CADM2: variants seen among roughly 807,000 people sequenced by gnomAD.
CADM2 encodes the protein cell adhesion molecule 2.
CADM2 carries 12 observed loss-of-function variants against 49.8 expected under a neutral mutation model. That is an observed-to-expected ratio of 0.24 (90% CI 0.15 to 0.39). The LOEUF is 0.39. CADM2 is among the 10% of genes least tolerant of loss of function. CADM2 has a pLI of 1.00. For synonymous variants in CADM2, 214 were observed against 175.4 expected, an observed-to-expected ratio of 1.22 and a Z score of -1.74; for missense variants, 378 against 492.3, an observed-to-expected ratio of 0.77 and a Z score of 2.20.
At position 86,068,127 on chromosome 3, in the gene CADM2, T is replaced by C. The variant is rs557068727; in HGVS notation, c.*1344T>C. ...ACTAATTCTTTATATTAAATTCCTG[T>C]CTATGCATTTTGTGAGGTACAAACT... On this transcript the variant is annotated 3_prime_UTR_variant, in exon 10 of 10. Transcript: ENST00000383699. The C allele has an allele frequency of 1.3e-5, 2 of 152,562 alleles. No homozygotes were observed. The highest frequency in any genetic ancestry group is 3.9e-4 in the East Asian group (2 of 5,188). 9.5% of individuals were successfully genotyped at this position (152,562 alleles called of 1,614,324 possible). A position where few individuals can be genotyped will look rare whatever the true frequency, so the allele number is the denominator to read the frequency against.
At chr3:85,344,843 T>A (rs1450507244) in intron 1 of CADM2, among the ~76,000 whole-genome samples, 1 of 152,126 alleles carries the variant, frequency 6.6e-6, no homozygotes, top group Non-Finnish European at 1.5e-5. Context: ...TTCTTTCAGA[T>A]AAGAAAGCCA....
intron 1 of CADM2, among the ~76,000 whole-genome samples, chr3:85,176,952 C>G (rs2040801230): frequency 6.6e-6 from 1 of 152,074 alleles, no homozygotes; most frequent in South Asian, 2.1e-4. Context: ...GCCCATTAAT[C>G]AGGCTCTGCA....
intron 1 of CADM2, among the ~76,000 whole-genome samples, chr3:85,316,066 T>A (rs1320257049): frequency 6.6e-6 from 1 of 152,126 alleles, no homozygotes; most frequent in Non-Finnish European, 1.5e-5. Flanking sequence ...ATATTAGTTT[T>A]TATAAGACTG....
At chr3:85,191,188 T>C (rs1198530208) in intron 1 of CADM2, among the ~76,000 whole-genome samples, 1 of 152,010 alleles carries the variant, frequency 6.6e-6, no homozygotes, top group African/African-American at 2.4e-5. Flanking sequence ...TATTCCCTCC[T>C]TCCTTACTAT....
intron 1 of CADM2, among the ~76,000 whole-genome samples, chr3:85,119,789 T>G (rs536118218): frequency 6.6e-6 from 1 of 152,338 alleles, no homozygotes; most frequent in Non-Finnish European, 1.5e-5. Flanking sequence ...ACTCATGATT[T>G]GGCTCTCTGT....
At chr3:85,694,951 AT>A (rs1265818885) in intron 1 of CADM2, among the ~76,000 whole-genome samples, 12 of 152,164 alleles carry the variant, frequency 7.9e-5, no homozygotes, top group African/African-American at 2.6e-4. Flanking sequence ...AATAAAAAAA[AT>A]AAAAGATACA....
At chr3:85,888,755 C>T (rs909282566) in intron 5 of CADM2, among the ~76,000 whole-genome samples, 17 of 152,218 alleles carry the variant, frequency 1.1e-4, no homozygotes, top group African/African-American at 4.1e-4. Context: ...AAGACTACGG[C>T]ACAAAGTAAA....
chr3:86,001,069 G>C (rs1434859657), intron 8 of CADM2, among the ~76,000 whole-genome samples: 1 of 152,076 alleles, frequency 6.6e-6, no homozygotes, highest in African/African-American at 2.4e-5. Flanking sequence ...ATTAATATTA[G>C]CATGCAAAAT....
intron 1 of CADM2, among the ~76,000 whole-genome samples, chr3:85,575,290 G>A (rs567139780): frequency 1.3e-5 from 2 of 152,270 alleles, no homozygotes; most frequent in South Asian, 2.1e-4. Flanking sequence ...AGTGGCTCAC[G>A]CCTGTAATCC....
intron 1 of CADM2, among the ~76,000 whole-genome samples, chr3:85,436,802 C>T (rs2036952594): frequency 6.6e-6 from 1 of 152,184 alleles, no homozygotes; most frequent in South Asian, 2.1e-4. Flanking sequence ...CTATTAACAT[C>T]CTTTGCCAAA....
At position 85,568,506 on chromosome 3, in the gene CADM2, TCTTTCTTTCCTC is replaced by T. The variant is rs1353416310; in HGVS notation, c.62-158014_62-158003del. On this transcript the variant is annotated intron_variant, in intron 1 of 9. Coordinates refer to ENST00000383699, the MANE Select transcript of CADM2 (RefSeq NM_001167675.2). ...TTCTTTCTTTCTTTCTTTCTTTCTT[TCTTTCTTTCCTC>T]CCTCCCTCCCTCTCTCTTTTCTTTC... Among the ~76,000 whole-genome samples, 2 of 143,994 alleles carry T rather than the reference TCTTTCTTTCCTC, an allele frequency of 1.4e-5. 1 individual carries two copies. The allele number at this position is 143,994 out of a possible 152,430, so 94.5% of individuals were successfully genotyped here.
At chr3:85,378,298 A>G (rs1174944148) in intron 1 of CADM2, among the ~76,000 whole-genome samples, 1 of 151,924 alleles carries the variant, frequency 6.6e-6, no homozygotes, top group African/African-American at 2.4e-5. Flanking sequence ...TATCTTCCTC[A>G]AGGACGCAAA....
intron 1 of CADM2, among the ~76,000 whole-genome samples, chr3:85,044,333 C>A (rs536759957): frequency 6.6e-6 from 1 of 151,944 alleles, no homozygotes; most frequent in Non-Finnish European, 1.5e-5. Flanking sequence ...TAAAAAAAGA[C>A]CTGGGTAATG....
At chr3:85,696,492 C>T (rs1472364900) in intron 1 of CADM2, among the ~76,000 whole-genome samples, 2 of 152,006 alleles carry the variant, frequency 1.3e-5, no homozygotes, top group Non-Finnish European at 2.9e-5. Flanking sequence ...TATGGCTATC[C>T]AATTTTCCCA....
rs543223285 is a variant in CADM2 at position 85,746,604 on chromosome 3, A to G, written c.88+20056A>G. Among the ~76,000 whole-genome samples, 492 of 151,922 alleles carry G rather than the reference A, an allele frequency of 3.2e-3. 3 individuals carry two copies. Among genetic ancestry groups the G allele is most frequent in the Non-Finnish European group, 5.4e-3 (366 of 67,962 alleles). ...TCATATCTTTCATCCCTGTGACTCC[A>G]TCCTGCAGCTCCTGAATAAAAGTCT... is the stretch of plus-strand genomic sequence containing the variant. On this transcript the variant is annotated intron_variant, in intron 2 of 9. Transcript: ENST00000383699.
intron 1 of CADM2, among the ~76,000 whole-genome samples, chr3:85,295,699 C>G (rs1221178468): frequency 6.6e-6 from 1 of 150,908 alleles, no homozygotes; most frequent in Admixed American, 6.6e-5. Flanking sequence ...AACAAAAAAC[C>G]AAACACTCAC....
intron 1 of CADM2, among the ~76,000 whole-genome samples, chr3:85,101,518 A>G (rs1194354855): frequency 6.6e-6 from 1 of 152,218 alleles, no homozygotes; most frequent in Non-Finnish European, 1.5e-5. Context: ...TTAGCATTTT[A>G]ATATCATGCA....
chr3:85,257,464 A>G (rs1246675484), intron 1 of CADM2, among the ~76,000 whole-genome samples: 1 of 152,062 alleles, frequency 6.6e-6, no homozygotes, highest in Non-Finnish European at 1.5e-5. Context: ...TATGATGAAA[A>G]CAGATAAATC....
At chr3:85,441,747 A>G (rs545956530) in intron 1 of CADM2, among the ~76,000 whole-genome samples, 1 of 152,270 alleles carries the variant, frequency 6.6e-6, no homozygotes, top group African/African-American at 2.4e-5. Flanking sequence ...TACATGTGAA[A>G]GAAATGATGT....
Sources: allele counts gnomAD v4.1 joint callset (sites outside exome capture counted in the v4.1 genomes callset), GRCh38; gene constraint gnomAD v4.1.1; transcripts MANE v1.5; gene names NCBI Gene and HGNC (gene_info 2026-07-23, HGNC 2026-07-21).